AADAT: variants seen among roughly 807,000 people sequenced by gnomAD.
AADAT encodes the protein aminoadipate aminotransferase.
In AADAT, 25 loss-of-function variants were observed where a neutral mutation model predicts 56.2. That is an observed-to-expected ratio of 0.44 (90% CI 0.32 to 0.62). The LOEUF (loss-of-function observed/expected upper bound fraction) is 0.62, where lower values mean the gene tolerates loss of function less well. AADAT is among the 20% of genes least tolerant of loss of function. The pLI, the probability that AADAT is intolerant of heterozygous loss-of-function variation, is 0.04. For synonymous variants in AADAT, 173 were observed against 164.7 expected (o/e 1.05, Z -0.39); for missense variants, 387 against 510.5 (o/e 0.76, Z 2.33).
intron 3 of AADAT, among the ~76,000 whole-genome samples, chr4:170,084,048 A>T (rs1265504828): frequency 6.6e-6 from 1 of 152,204 alleles, no homozygotes; most frequent in Non-Finnish European, 1.5e-5. Flanking sequence ...AATATTATTC[A>T]ACCATAAAAA....
intron 3 of AADAT, among the ~76,000 whole-genome samples, chr4:170,079,116 A>C (rs1360842852): frequency 6.6e-6 from 1 of 152,208 alleles, no homozygotes; most frequent in Admixed American, 6.5e-5. Context: ...ATAAATGTGC[A>C]AATTAAAAAC....
At chr4:170,074,481 T>C (rs1731941980) in intron 4 of AADAT, among the ~76,000 whole-genome samples, 1 of 152,136 alleles carries the variant, frequency 6.6e-6, no homozygotes, top group Admixed American at 6.5e-5. Flanking sequence ...GTTTTACAAA[T>C]GAATGTTTTT....
In AADAT at chr4:170,064,701, T is replaced by C. The variant is rs1731360233; in HGVS notation, c.1134+18A>G. 1 of 1,533,318 alleles carries C rather than the reference T, an allele frequency of 6.5e-7. No homozygotes were observed. Among genetic ancestry groups the C allele is most frequent in the African/African-American group, 1.4e-5 (1 of 72,826 alleles). The allele number at this position is 1,533,318 out of a possible 1,614,324, so 95.0% of individuals were successfully genotyped here. The stretch of plus-strand genomic sequence containing the variant: ...AACTTTTCCTTAGGTTTCCCAGCCC[T>C]TCACCTCCCAGTTTTACCCCCATCT... On this transcript the variant is annotated intron_variant, in intron 11 of 12. Transcript: ENST00000337664.
Position 170,068,359 on chromosome 4 carries a change from A to G in AADAT, c.900+232T>C, listed in dbSNP as rs530989367. On this transcript the variant is annotated intron_variant, in intron 8 of 12. Transcript: ENST00000337664. ...GAGAGGTTGTGTTACAGACGGATCC[A>G]ATAATTTCTCAAAGTTTGTAAGGAA... Among the ~76,000 whole-genome samples the G allele has an allele frequency of 4.3e-4, 66 of 152,128 alleles. 1 individual carries two copies. Among genetic ancestry groups the G allele is most frequent in the Non-Finnish European group, 8.4e-4 (57 of 68,018 alleles).
rs1298756175 is a variant in AADAT at position 170,089,545 on chromosome 4, G to A, written c.67+79C>T. 10 of 1,536,958 alleles carry A rather than the reference G, an allele frequency of 6.5e-6. No individual in the cohort carries two copies. The African/African-American group carries it at 1.2e-4, about 19-fold the overall frequency. On this transcript the variant is annotated intron_variant, in intron 1 of 12. Coordinates refer to ENST00000337664, the MANE Select transcript of AADAT (RefSeq NM_016228.4). ...GTACGCATGGATGCAACCAAGCGGTGGCTTGCTAGGGAACCCTCCTTAGAG... is the reference window on the plus strand; with the variant it reads ...GTACGCATGGATGCAACCAAGCGGTAGCTTGCTAGGGAACCCTCCTTAGAG...
At chr4:170,093,387 G>A (rs1008951768), upstream of AADAT, among the ~76,000 whole-genome samples, 3 of 152,130 alleles carry the variant, frequency 2.0e-5, no homozygotes, top group African/African-American at 7.2e-5. Context: ...CTGAAGCCGA[G>A]ATCACGCCAC....
At chr4:170,071,448 A>G (rs1339410495) in intron 5 of AADAT, among the ~76,000 whole-genome samples, 1 of 152,254 alleles carries the variant, frequency 6.6e-6, no homozygotes, top group East Asian at 1.9e-4. Flanking sequence ...AGGGCTAAAA[A>G]GGACAGTGCG....
In AADAT at chr4:170,060,773, A is replaced by C; in HGVS notation, c.*155T>G. The C allele has an allele frequency of 2.3e-6, 1 of 437,834 alleles. No homozygotes were observed. Among genetic ancestry groups the C allele is most frequent in the Non-Finnish European group, 3.9e-6 (1 of 254,666 alleles). 27.1% of individuals were successfully genotyped at this position (437,834 alleles called of 1,614,324 possible). A position where few individuals can be genotyped will look rare whatever the true frequency, so the allele number is the denominator to read the frequency against. On this transcript the variant is annotated 3_prime_UTR_variant, in exon 13 of 13. Coordinates refer to ENST00000337664, the MANE Select transcript of AADAT (RefSeq NM_016228.4). ...TTTAGAGACAGGGTCTTGTTCTGCC[A>C]TGCAGGCCAGAGTGCATGCAGGCCA... is the stretch of plus-strand genomic sequence containing the variant.
chr4:170,088,758 G>A (rs1281468640), intron 1 of AADAT, among the ~76,000 whole-genome samples, 194 bp from the exon 2 acceptor site: 2 of 152,110 alleles, frequency 1.3e-5, no homozygotes, highest in African/African-American at 2.4e-5. Flanking sequence ...TTAACAGGTG[G>A]GGTCTCTAGA....
upstream of AADAT, among the ~76,000 whole-genome samples, chr4:170,090,817 T>G (rs1487735248): frequency 6.6e-6 from 1 of 152,228 alleles, no homozygotes; most frequent in Non-Finnish European, 1.5e-5. Flanking sequence ...TCTCTTTGAC[T>G]TTAAAAAATT....
Position 170,067,494 on chromosome 4 carries a change from T to C in AADAT, c.901-106A>G, listed in dbSNP as rs1731527988. 6.5e-6 allele frequency: 5 copies of C among 774,752 alleles called. No homozygotes were observed. The Admixed American group carries it at 7.1e-5, about 11-fold the overall frequency. 48.0% of individuals were successfully genotyped at this position (774,752 alleles called of 1,614,324 possible). A position where few individuals can be genotyped will look rare whatever the true frequency, so the allele number is the denominator to read the frequency against. On this transcript the variant is annotated intron_variant, in intron 8 of 12. Coordinates refer to ENST00000337664, the MANE Select transcript of AADAT (RefSeq NM_016228.4). Reference sequence around the variant, plus strand: ...TGATTACATGTAAACCACAATAAGATATAACAAGCTGAGCCTAGCTTATAT... The same window carrying C: ...TGATTACATGTAAACCACAATAAGACATAACAAGCTGAGCCTAGCTTATAT...
chr4:170,064,933 T>A, intron 10 of AADAT, 108 bp from the exon 11 acceptor site: 1 of 851,024 alleles, frequency 1.2e-6, no homozygotes, highest in Non-Finnish European at 1.8e-6. Context: ...CTAGTATTCC[T>A]AAAAAAGTTC....
At position 170,060,717 on chromosome 4, in the gene AADAT, C is replaced by A. The variant is rs1319174370; in HGVS notation, c.*211G>T. 2.6e-6 allele frequency: 1 copy of A among 386,276 alleles called. No homozygotes were observed. Among genetic ancestry groups the A allele is most frequent in the Non-Finnish European group, 4.6e-6 (1 of 219,230 alleles). 23.9% of individuals were successfully genotyped at this position (386,276 alleles called of 1,614,324 possible). A position where few individuals can be genotyped will look rare whatever the true frequency, so the allele number is the denominator to read the frequency against. ...GAAATTTATTGGAAAAATCCATGAG[C>A]AGCATGATTAGTTTGATTTCTTTCT... On this transcript the variant is annotated 3_prime_UTR_variant, in exon 13 of 13. Coordinates refer to ENST00000337664, the MANE Select transcript of AADAT (RefSeq NM_016228.4).
chr4:170,089,812 C>T lies in AADAT; in HGVS notation c.-122G>A. 9 of 999,868 alleles carry T rather than the reference C, an allele frequency of 9.0e-6. No homozygotes were observed. Among genetic ancestry groups the T allele is most frequent in the Non-Finnish European group, 1.2e-5 (8 of 666,094 alleles). The allele number at this position is 999,868 out of a possible 1,614,324, so 61.9% of individuals were successfully genotyped here. A position where few individuals can be genotyped will look rare whatever the true frequency, so the allele number is the denominator to read the frequency against. Reference sequence around the variant, plus strand: ...TGGCAACGCCACCGCGAGATGTGTCCCCCCGCTGCGTCTGGCTTCCCGCGC... The same window carrying T: ...TGGCAACGCCACCGCGAGATGTGTCTCCCCGCTGCGTCTGGCTTCCCGCGC... On this transcript the variant is annotated 5_prime_UTR_variant, in exon 1 of 13. Transcript: ENST00000337664.
Position 170,067,364 on chromosome 4 carries a change from C to T in AADAT, c.925G>A (p.Glu309Lys), listed in dbSNP as rs368304372. The change falls in exon 9 of 13, where the codon GAA (glutamate) becomes AAA (lysine). Residue 309 changes from glutamate (E) to lysine (K), a missense_variant. By Grantham distance (56) the Glu-to-Lys change is moderately conservative. Transcript: ENST00000337664. ...NQLMISQLLHEWGEEGFMAHV... is the reference protein window; with the variant it reads ...NQLMISQLLHKWGEEGFMAHV... ...GCCATGAAACCTTCTTCTCCCCATT[C>T]GTGTAGAAGCTGTGATATCATGAGC... The T allele has an allele frequency of 1.5e-5, 25 of 1,613,288 alleles. No individual in the cohort carries two copies. The highest frequency in any genetic ancestry group is 3.3e-5 in the Admixed American group (2 of 59,944).
In AADAT at chr4:170,065,361, G is replaced by C. The variant is rs892675385; in HGVS notation, c.1028-536C>G. On this transcript the variant is annotated intron_variant, in intron 10 of 12. Transcript: ENST00000337664. ...GGGCTTTACGTTTCATTGAGTATTA[G>C]GATAGAGAAATCAAAAACAAGCATA... Among the ~76,000 whole-genome samples, 9 of 152,130 alleles carry C rather than the reference G, an allele frequency of 5.9e-5. No homozygotes were observed. The South Asian group carries it at 1.5e-3, about 25-fold the overall frequency.
Position 170,070,479 on chromosome 4 carries a change from TA to T in AADAT, c.720+107del, listed in dbSNP as rs894095735. ...AATCATAATTGATTTATTTTCCATG[TA>T]AAAGTGGATTAGTTCTGACTCAGCA... On this transcript the variant is annotated intron_variant, in intron 6 of 12. Transcript: ENST00000337664. 2.1e-5 allele frequency: 15 copies of T among 712,292 alleles called. No homozygotes were observed. The African/African-American group carries it at 2.4e-4, about 12-fold the overall frequency. The allele number at this position is 712,292 out of a possible 1,614,324, so 44.1% of individuals were successfully genotyped here.
At chr4:170,089,016 A>G (rs1732704088) in intron 1 of AADAT, among the ~76,000 whole-genome samples, 1 of 152,234 alleles carries the variant, frequency 6.6e-6, no homozygotes, top group East Asian at 1.9e-4. Context: ...TATTGTTCAT[A>G]AATTACCCAG....
intron 3 of AADAT, among the ~76,000 whole-genome samples, chr4:170,081,206 T>C (rs1021797414): frequency 2.0e-5 from 3 of 152,062 alleles, no homozygotes; most frequent in African/African-American, 7.2e-5. Context: ...ATCATCAAAA[T>C]GGACCCAGCA....
Sources: gnomAD v4.1 joint callset for allele counts (sites outside exome capture counted in the v4.1 genomes callset) on GRCh38, gnomAD v4.1.1 for gene constraint, MANE v1.5 for transcripts, NCBI Gene and HGNC (gene_info 2026-07-23, HGNC 2026-07-21) for gene names.